PDLIM5: variants seen among roughly 807,000 people sequenced by gnomAD.
PDLIM5 encodes PDZ and LIM domain protein 5.
In PDLIM5, 34 loss-of-function variants were observed where a neutral mutation model predicts 64.2. That is an observed-to-expected ratio of 0.53 (90% CI 0.40 to 0.71). PDLIM5 has a LOEUF of 0.71. Among genes scored for constraint, PDLIM5 ranks in the 30% least tolerant of loss-of-function variants. The pLI is 0.00. For synonymous variants in PDLIM5, 253 were observed against 269.1 expected (o/e 0.94, Z 0.59); for missense variants, 683 against 733.6 (o/e 0.93, Z 0.80).
At chr4:94,561,355 T>G (rs1350039746) in intron 3 of PDLIM5, among the ~76,000 whole-genome samples, 3 of 152,102 alleles carry the variant, frequency 2.0e-5, no homozygotes, top group Non-Finnish European at 4.4e-5. Flanking sequence ...TAAGGGCAAG[T>G]TTTTTGAATT....
chr4:94,626,796 GT>G (rs201279193), intron 8 of PDLIM5, among the ~76,000 whole-genome samples: 113 of 142,400 alleles, frequency 7.9e-4, no homozygotes, highest in African/African-American at 2.7e-3. Context: ...GTGTTTTTTT[GT>G]TTTTTTTTTG....
chr4:94,665,719 A>G lies in PDLIM5; in HGVS notation c.*1652A>G. On this transcript the variant is annotated 3_prime_UTR_variant, in exon 13 of 13. Transcript: ENST00000317968. ...TTCTTCTTCTGCATTTAAAAATTAA[A>G]AGATTGGTTTGAGGATGTGATGAAA... 1.7e-6 allele frequency: 2 copies of G among 1,160,098 alleles called. No individual in the cohort carries two copies. Among genetic ancestry groups the G allele is most frequent in the Non-Finnish European group, 2.1e-6 (2 of 942,256 alleles). 71.9% of individuals were successfully genotyped at this position (1,160,098 alleles called of 1,614,324 possible).
intron 1 of PDLIM5, among the ~76,000 whole-genome samples, chr4:94,454,330 T>G (rs921493640): frequency 1.7e-4 from 26 of 151,936 alleles, no homozygotes; most frequent in African/African-American, 6.0e-4. Flanking sequence ...TCGAAGTTTT[T>G]TTTTTTTTTT....
chr4:94,498,523 A>G (rs1460728590), intron 2 of PDLIM5, among the ~76,000 whole-genome samples: 1 of 152,228 alleles, frequency 6.6e-6, no homozygotes. Context: ...CATTTATGAG[A>G]ATTGTATTTA....
At chr4:94,603,508 G>A (rs1007774916) in intron 7 of PDLIM5, among the ~76,000 whole-genome samples, 2 of 152,076 alleles carry the variant, frequency 1.3e-5, no homozygotes, top group African/African-American at 4.8e-5. Context: ...GGGAAAACTG[G>A]GACGTTGCCA....
intron 8 of PDLIM5, among the ~76,000 whole-genome samples, chr4:94,625,022 G>T (rs1197649528): frequency 7.2e-5 from 11 of 152,234 alleles, no homozygotes; most frequent in Non-Finnish European, 5.9e-5. Context: ...ATCCAATCTG[G>T]AGATAGATAA....
intron 5 of PDLIM5, 77 bp from the exon 6 acceptor site, chr4:94,585,488 A>T: frequency 5.0e-6 from 4 of 800,298 alleles, no homozygotes; most frequent in Non-Finnish European, 7.3e-6. Context: ...ATAAATTATA[A>T]ATAATTTAGT....
chr4:94,559,937 G>A (rs978326050), intron 3 of PDLIM5, among the ~76,000 whole-genome samples: 2 of 152,182 alleles, frequency 1.3e-5, no homozygotes, highest in Non-Finnish European at 2.9e-5. Flanking sequence ...GGAAGCACTT[G>A]TAGAGAAAAT....
At chr4:94,456,946 G>A in intron 2 of PDLIM5, 2 of 990,676 alleles carry the variant, frequency 2.0e-6, no homozygotes, top group Non-Finnish European at 2.4e-6. Context: ...GGAAGAGCTG[G>A]CTTTCCAACA....
chr4:94,516,649 G>C (rs143384434), intron 2 of PDLIM5, among the ~76,000 whole-genome samples: 1,764 of 152,018 alleles, frequency 0.012, 32 homozygotes, highest in African/African-American at 0.041. Context: ...TCAGCCTCCT[G>C]AGTAGCTGGG....
At chr4:94,475,089 GT>G (rs1228147322) in intron 2 of PDLIM5, among the ~76,000 whole-genome samples, 1 of 151,004 alleles carries the variant, frequency 6.6e-6, no homozygotes, top group Non-Finnish European at 1.5e-5. Context: ...CCACTGAAAA[GT>G]TTTATAATCA....
chr4:94,644,622 A>G (rs950434968), intron 9 of PDLIM5, among the ~76,000 whole-genome samples: 3 of 151,058 alleles, frequency 2.0e-5, no homozygotes, highest in African/African-American at 7.3e-5. Flanking sequence ...GCTCACTGCA[A>G]CCTCCACCTC....
At chr4:94,493,083 C>T (rs1351311950) in intron 2 of PDLIM5, among the ~76,000 whole-genome samples, 2 of 151,944 alleles carry the variant, frequency 1.3e-5, no homozygotes, top group African/African-American at 2.4e-5. Context: ...TATCATTGTG[C>T]TTTTATTTGC....
intron 2 of PDLIM5, chr4:94,456,377 T>C (rs987431915): frequency 3.1e-6 from 2 of 651,712 alleles, no homozygotes; most frequent in African/African-American, 1.8e-5. Context: ...TTTGTATTTT[T>C]AGTAGAGACC....
chr4:94,583,181 T>C (rs1735878932), intron 5 of PDLIM5, among the ~76,000 whole-genome samples: 1 of 152,114 alleles, frequency 6.6e-6, no homozygotes, highest in Non-Finnish European at 1.5e-5. Flanking sequence ...ACTCTGGAGT[T>C]TCAGAACCAG....
chr4:94,464,379 T>A (rs1724162492), intron 2 of PDLIM5, among the ~76,000 whole-genome samples: 1 of 152,162 alleles, frequency 6.6e-6, no homozygotes, highest in Non-Finnish European at 1.5e-5. Flanking sequence ...TCAGTTCCAT[T>A]GAGATCTAAT....
chr4:94,536,079 C>T (rs1042205789), intron 3 of PDLIM5, among the ~76,000 whole-genome samples: 2 of 152,088 alleles, frequency 1.3e-5, no homozygotes, highest in African/African-American at 4.8e-5. Context: ...AAACTGTGTG[C>T]TAGTTACCTC....
intron 4 of PDLIM5, 102 bp from the exon 5 acceptor site, chr4:94,575,514 T>C: frequency 1.3e-6 from 1 of 789,480 alleles, no homozygotes; most frequent in Non-Finnish European, 2.1e-6. Context: ...CTAACCTGAT[T>C]GTGTTTGTCT....
At chr4:94,579,470 TAA>T in intron 5 of PDLIM5, 3 of 962,994 alleles carry the variant, frequency 3.1e-6, no homozygotes, top group Non-Finnish European at 4.6e-6. Context: ...CTTGGAAGAT[TAA>T]AAAAAAATGA....
Sources: allele counts gnomAD v4.1 joint callset (sites outside exome capture counted in the v4.1 genomes callset), GRCh38; gene constraint gnomAD v4.1.1; transcripts MANE v1.5; gene names NCBI Gene and HGNC (gene_info 2026-07-23, HGNC 2026-07-21).